LPIN2: variants seen among roughly 807,000 people sequenced by gnomAD.
LPIN2 encodes lipin 2.
Under a neutral mutation model 111.4 loss-of-function variants are expected in LPIN2, and 55 were observed. The observed-to-expected ratio is 0.49, with a 90% confidence interval of 0.40 to 0.62. The LOEUF (loss-of-function observed/expected upper bound fraction) is 0.62, where lower values mean the gene tolerates loss of function less well. LPIN2 is among the 20% of genes least tolerant of loss of function. LPIN2 has a pLI of 0.00. For missense variants in LPIN2, 992 were observed against 1,112.1 expected (o/e 0.89, Z 1.54); for synonymous variants, 425 against 414.0 (o/e 1.03, Z -0.32).
chr18:2,980,791 C>CTA (rs768360589), intron 1 of LPIN2, among the ~76,000 whole-genome samples: 34 of 152,158 alleles, frequency 2.2e-4, no homozygotes, highest in Non-Finnish European at 4.7e-4. Context: ...GGTCAGGTGA[C>CTA]CTCTAGAGTC....
rs141793276 is a variant in LPIN2 at position 2,979,582 on chromosome 18, AGT to A, written c.-9-18735_-9-18734del. On this transcript the variant is annotated intron_variant, in intron 1 of 19. Transcript: ENST00000677752. ...TAATAGGCTTAGCTATGCAATATACAGTGTGTGTGGAGGCAGTCTGTGTGCAT... is the reference window on the plus strand; with the variant it reads ...TAATAGGCTTAGCTATGCAATATACAGTGTGTGGAGGCAGTCTGTGTGCAT... Among the ~76,000 whole-genome samples the A allele has an allele frequency of 7.6e-3, 1,162 of 152,334 alleles. 34 individuals carry two copies. The highest frequency in any genetic ancestry group is 0.051 in the Admixed American group (777 of 15,302).
At chr18:2,951,030 A>G in intron 4 of LPIN2, 25 bp downstream of exon 4, 1 of 1,613,362 alleles carries the variant, frequency 6.2e-7, no homozygotes, top group South Asian at 1.1e-5. Flanking sequence ...CCCGCACAAG[A>G]CCCTTCCCAG....
At chr18:3,001,050 C>T (rs1179865349) in intron 1 of LPIN2, among the ~76,000 whole-genome samples, 1 of 152,088 alleles carries the variant, frequency 6.6e-6, no homozygotes, top group Non-Finnish European at 1.5e-5. Context: ...TCAAAAGTAA[C>T]AATTCTAAAG....
intron 1 of LPIN2, among the ~76,000 whole-genome samples, chr18:2,984,753 C>T (rs1425071820): frequency 1.3e-5 from 2 of 152,042 alleles, no homozygotes; most frequent in African/African-American, 4.8e-5. Context: ...AGAGGTCAGG[C>T]AATTAGCCCA....
chr18:2,938,662 G>A (rs1450025130), intron 6 of LPIN2, among the ~76,000 whole-genome samples: 2 of 152,160 alleles, frequency 1.3e-5, no homozygotes, highest in African/African-American at 2.4e-5. Flanking sequence ...CACCCTCCTT[G>A]GACCACATCA....
chr18:2,967,458 C>G (rs2298786), intron 1 of LPIN2: 1 of 152,232 alleles, frequency 6.6e-6, no homozygotes, highest in African/African-American at 2.4e-5. Flanking sequence ...ACCCACGCAG[C>G]AGCTGCCGCA....
At chr18:2,985,676 T>C (rs533702771) in intron 1 of LPIN2, among the ~76,000 whole-genome samples, 2 of 152,322 alleles carry the variant, frequency 1.3e-5, no homozygotes, top group East Asian at 3.9e-4. Context: ...ACAGGGCTTT[T>C]TAAGAGGGTA....
intron 4 of LPIN2, chr18:2,946,679 G>A: frequency 1.6e-6 from 1 of 627,972 alleles, no homozygotes; most frequent in East Asian, 2.8e-5. Flanking sequence ...AAAATAAATA[G>A]CCTGAATTAT....
intron 6 of LPIN2, 76 bp from the exon 7 acceptor site, chr18:2,938,113 G>C (rs1568538071): frequency 2.7e-6 from 3 of 1,113,500 alleles, no homozygotes; most frequent in Non-Finnish European, 4.0e-6. Flanking sequence ...AGCTGGCAAT[G>C]TGTTCATTCT....
intron 11 of LPIN2, among the ~76,000 whole-genome samples, chr18:2,928,026 G>A (rs911632778): frequency 2.6e-5 from 4 of 152,244 alleles, no homozygotes; most frequent in Admixed American, 6.5e-5. Context: ...CATGAGACCA[G>A]GCGGTCTGCT....
At chr18:2,963,261 C>T (rs967368759) in intron 1 of LPIN2, among the ~76,000 whole-genome samples, 2 of 152,168 alleles carry the variant, frequency 1.3e-5, no homozygotes, top group South Asian at 2.1e-4. Flanking sequence ...CCGTTAGTTA[C>T]GTCTGGAGGA....
intron 7 of LPIN2, among the ~76,000 whole-genome samples, chr18:2,936,912 A>G (rs528086359): frequency 1.3e-5 from 2 of 152,316 alleles, no homozygotes; most frequent in East Asian, 3.9e-4. Context: ...AATCAGCAAA[A>G]GAAAGCACAT....
intron 2 of LPIN2, among the ~76,000 whole-genome samples, chr18:2,958,461 G>C (rs1156422011): frequency 6.6e-6 from 1 of 151,978 alleles, no homozygotes; most frequent in Non-Finnish European, 1.5e-5. Flanking sequence ...CACATCAATG[G>C]CCAGCTTTCC....
chr18:2,964,542 T>G (rs2077763904), intron 1 of LPIN2, among the ~76,000 whole-genome samples: 1 of 152,120 alleles, frequency 6.6e-6, no homozygotes, highest in African/African-American at 2.4e-5. Context: ...CTCGTGAGAA[T>G]ACAGCAAGAA....
At chr18:2,932,389 A>C (rs1268727084) in intron 8 of LPIN2, among the ~76,000 whole-genome samples, 1 of 152,224 alleles carries the variant, frequency 6.6e-6, no homozygotes, top group African/African-American at 2.4e-5. Flanking sequence ...GTGGCAGCAG[A>C]CTACAGATTA....
At chr18:3,000,710 G>A (rs963255343) in intron 1 of LPIN2, among the ~76,000 whole-genome samples, 1 of 152,156 alleles carries the variant, frequency 6.6e-6, no homozygotes, top group Admixed American at 6.5e-5. Context: ...TCTGGCCTGC[G>A]GAGACTCTGG....
intron 4 of LPIN2, chr18:2,945,629 T>A: frequency 6.7e-7 from 1 of 1,498,184 alleles, no homozygotes; most frequent in South Asian, 1.1e-5. Flanking sequence ...GGTTCAGCTT[T>A]TCTCATAGTG....
At chr18:2,954,934 C>T (rs2077585945) in intron 2 of LPIN2, among the ~76,000 whole-genome samples, 1 of 152,162 alleles carries the variant, frequency 6.6e-6, no homozygotes, top group Non-Finnish European at 1.5e-5. Context: ...ACAGGCAGGC[C>T]TCACCTCACA....
chr18:2,988,390 T>C lies in LPIN2; in HGVS notation c.-10+24697A>G, dbSNP rs187056360. Among the ~76,000 whole-genome samples, 368 of 152,358 alleles carry C rather than the reference T, an allele frequency of 2.4e-3. 2 individuals are homozygous for C. The highest frequency in any genetic ancestry group is 8.6e-3 in the African/African-American group (357 of 41,576). On this transcript the variant is annotated intron_variant, in intron 1 of 19. Transcript: ENST00000677752. ...CTATACTTAAGTGTTATGAAGAATT[T>C]TATTTAATTGGTGAAATTTAAATTA... is the stretch of plus-strand genomic sequence containing the variant.
Sources: gnomAD v4.1 joint callset for allele counts (sites outside exome capture counted in the v4.1 genomes callset) on GRCh38, gnomAD v4.1.1 for gene constraint, MANE v1.5 for transcripts, NCBI Gene and HGNC (gene_info 2026-07-23, HGNC 2026-07-21) for gene names.